HS6ST3: variants seen among roughly 807,000 people sequenced by gnomAD.
HS6ST3 encodes heparan-sulfate 6-O-sulfotransferase 3.
Under a neutral mutation model 36.7 loss-of-function variants are expected in HS6ST3, and 12 were observed. The observed-to-expected ratio is 0.33, with a 90% confidence interval of 0.21 to 0.53. The LOEUF is 0.53. Among genes scored for constraint, HS6ST3 ranks in the 20% least tolerant of loss-of-function variants. The probability of loss-of-function intolerance (pLI) is 0.95; values close to 1 mark genes in which losing one functional copy is unlikely to be tolerated. For missense variants in HS6ST3, 584 were observed against 640.9 expected, an observed-to-expected ratio of 0.91 and a Z score of 0.96; for synonymous variants, 240 against 257.5, an observed-to-expected ratio of 0.93 and a Z score of 0.65.
intron 1 of HS6ST3, among the ~76,000 whole-genome samples, chr13:96,213,433 C>G (rs1187359391): frequency 6.6e-6 from 1 of 152,154 alleles, no homozygotes; most frequent in Non-Finnish European, 1.5e-5. Flanking sequence ...TCCTTTGTTC[C>G]TACCTGTACT....
chr13:96,128,864 T>G (rs2053963673), intron 1 of HS6ST3, among the ~76,000 whole-genome samples: 1 of 151,882 alleles, frequency 6.6e-6, no homozygotes, highest in Non-Finnish European at 1.5e-5. Flanking sequence ...CTTTTTTTTT[T>G]TGGCGGAGTT....
At chr13:96,535,355 G>C (rs2056151275) in intron 1 of HS6ST3, among the ~76,000 whole-genome samples, 1 of 152,000 alleles carries the variant, frequency 6.6e-6, no homozygotes, top group Non-Finnish European at 1.5e-5. Context: ...AGGAGATCGA[G>C]ACCATCCTGG....
intron 1 of HS6ST3, among the ~76,000 whole-genome samples, chr13:96,603,496 T>C (rs535423958): frequency 1.2e-4 from 18 of 152,256 alleles, no homozygotes; most frequent in Non-Finnish European, 7.3e-5. Context: ...TTGGTATGAG[T>C]TTTTACAAAT....
chr13:96,620,592 C>T (rs956192369), intron 1 of HS6ST3, among the ~76,000 whole-genome samples: 5 of 152,174 alleles, frequency 3.3e-5, no homozygotes, highest in African/African-American at 7.2e-5. Context: ...AGGTCATCAG[C>T]GACATACATC....
chr13:96,385,533 T>C (rs1252339187), intron 1 of HS6ST3, among the ~76,000 whole-genome samples: 2 of 152,216 alleles, frequency 1.3e-5, no homozygotes, highest in Non-Finnish European at 2.9e-5. Flanking sequence ...CTAGTGGATG[T>C]GGACCACTCT....
At chr13:96,129,839 A>C (rs2053967847) in intron 1 of HS6ST3, among the ~76,000 whole-genome samples, 1 of 152,186 alleles carries the variant, frequency 6.6e-6, no homozygotes, top group East Asian at 1.9e-4. Context: ...TGGGCCTGAA[A>C]TAAATTGTTC....
intron 1 of HS6ST3, among the ~76,000 whole-genome samples, chr13:96,471,658 C>G (rs2055840708): frequency 6.6e-6 from 1 of 152,186 alleles, no homozygotes; most frequent in South Asian, 2.1e-4. Flanking sequence ...CCATACTCCT[C>G]TGCACTTTCC....
intron 1 of HS6ST3, among the ~76,000 whole-genome samples, chr13:96,498,887 A>T (rs2055990122): frequency 6.6e-6 from 1 of 152,230 alleles, no homozygotes; most frequent in Non-Finnish European, 1.5e-5. Flanking sequence ...GAGTTGCACT[A>T]AGAAAAGACT....
chr13:96,172,109 A>G (rs1471671913), intron 1 of HS6ST3, among the ~76,000 whole-genome samples: 1 of 152,248 alleles, frequency 6.6e-6, no homozygotes, highest in Non-Finnish European at 1.5e-5. Context: ...TAATTCATAA[A>G]TAACTACAAT....
intron 1 of HS6ST3, among the ~76,000 whole-genome samples, chr13:96,341,303 C>T (rs892957396): frequency 6.6e-6 from 1 of 152,090 alleles, no homozygotes; most frequent in South Asian, 2.1e-4. Context: ...GGGAGGGGCT[C>T]GTATTTCATT....
At chr13:96,533,275 A>G (rs551447569) in intron 1 of HS6ST3, among the ~76,000 whole-genome samples, 1 of 152,108 alleles carries the variant, frequency 6.6e-6, no homozygotes, top group Non-Finnish European at 1.5e-5. Context: ...CCTAAGAAAA[A>G]CCCCTGATGT....
At chr13:96,688,471 G>T (rs1025584459) in intron 1 of HS6ST3, among the ~76,000 whole-genome samples, 1 of 151,990 alleles carries the variant, frequency 6.6e-6, no homozygotes, top group Non-Finnish European at 1.5e-5. Context: ...AAGATGCAGG[G>T]TGCTTTCTTC....
chr13:96,117,152 T>G (rs1425498726), intron 1 of HS6ST3, among the ~76,000 whole-genome samples: 1 of 152,200 alleles, frequency 6.6e-6, no homozygotes, highest in Non-Finnish European at 1.5e-5. Flanking sequence ...TCTCCTTGCT[T>G]TGTACTTCCT....
At chr13:96,480,047 A>T (rs2055882919) in intron 1 of HS6ST3, among the ~76,000 whole-genome samples, 1 of 152,290 alleles carries the variant, frequency 6.6e-6, no homozygotes, top group Admixed American at 6.5e-5. Flanking sequence ...AGTGGGAAAC[A>T]TTCCAGATAT....
intron 1 of HS6ST3, among the ~76,000 whole-genome samples, chr13:96,822,411 C>T (rs1481570290): frequency 6.6e-6 from 1 of 152,198 alleles, no homozygotes; most frequent in Admixed American, 6.5e-5. Context: ...CTGTACTCAG[C>T]AAGATAGCAA....
At chr13:96,234,580 G>C (rs879440960) in intron 1 of HS6ST3, among the ~76,000 whole-genome samples, 1 of 152,052 alleles carries the variant, frequency 6.6e-6, no homozygotes, top group Non-Finnish European at 1.5e-5. Context: ...GTCTTACATG[G>C]CAACAGGCAA....
chr13:96,704,415 G>A (rs1444348915), intron 1 of HS6ST3, among the ~76,000 whole-genome samples: 1 of 152,192 alleles, frequency 6.6e-6, no homozygotes, highest in Non-Finnish European at 1.5e-5. Context: ...AATATTAGTA[G>A]TAAGATCAGT....
chr13:96,289,002 C>T (rs2054816964), intron 1 of HS6ST3, among the ~76,000 whole-genome samples: 1 of 151,642 alleles, frequency 6.6e-6, no homozygotes, highest in East Asian at 1.9e-4. Context: ...TTTCTTTATA[C>T]TATTAATAGT....
intron 1 of HS6ST3, among the ~76,000 whole-genome samples, chr13:96,332,277 A>G (rs373039795): frequency 2.0e-5 from 3 of 152,310 alleles, no homozygotes; most frequent in East Asian, 3.9e-4. Flanking sequence ...GTTACACAAC[A>G]GTTTTGTAGA....
Sources: allele counts gnomAD v4.1 joint callset (sites outside exome capture counted in the v4.1 genomes callset), GRCh38; gene constraint gnomAD v4.1.1; transcripts MANE v1.5; gene names NCBI Gene and HGNC (gene_info 2026-07-23, HGNC 2026-07-21).